The following ARL13B variants were observed in gnomAD, a reference collection of about 807,000 sequenced individuals.
ARL13B encodes the protein ADP-ribosylation factor-like protein 13B.
ARL13B carries 36 observed loss-of-function variants against 56.1 expected under a neutral mutation model. That is an observed-to-expected ratio of 0.64 (90% CI 0.49 to 0.85). The LOEUF (loss-of-function observed/expected upper bound fraction) is 0.85, where lower values mean the gene tolerates loss of function less well. Ranked by LOEUF, ARL13B falls within the 40% of genes least tolerant of loss-of-function variation. The pLI is 0.00. For missense variants in ARL13B, 519 were observed against 507.1 expected (o/e 1.02, Z -0.23); for synonymous variants, 178 against 171.1 (o/e 1.04, Z -0.32).
intron 3 of ARL13B, among the ~76,000 whole-genome samples, chr3:94,010,049 G>C (rs1164427919): frequency 6.6e-6 from 1 of 152,128 alleles, no homozygotes; most frequent in Non-Finnish European, 1.5e-5. Flanking sequence ...TTGAGGGTGA[G>C]ACCAGATATA....
intron 3 of ARL13B, among the ~76,000 whole-genome samples, chr3:94,010,763 T>C (rs1488314837): frequency 6.6e-6 from 1 of 152,082 alleles, no homozygotes; most frequent in East Asian, 1.9e-4. Flanking sequence ...AAGTCTTGCT[T>C]TAAAAGCAGT....
intron 1 of ARL13B, among the ~76,000 whole-genome samples, chr3:93,986,735 G>A (rs540462333): frequency 6.6e-5 from 10 of 152,272 alleles, no homozygotes; most frequent in Admixed American, 3.9e-4. Context: ...TTGGGTGGCC[G>A]TGGTGGATGG....
intron 4 of ARL13B, among the ~76,000 whole-genome samples, chr3:94,036,261 A>T (rs1043782743): frequency 3.3e-5 from 5 of 152,058 alleles, no homozygotes; most frequent in Non-Finnish European, 7.4e-5. Context: ...ATCAATAGAG[A>T]TGTCTTTTTA....
At chr3:93,988,673 T>C in intron 1 of ARL13B, 4 of 485,096 alleles carry the variant, frequency 8.2e-6, no homozygotes, top group Non-Finnish European at 1.2e-5. Context: ...TCATCAAAGG[T>C]TGGAGTCTCC....
chr3:94,003,645 A>G lies in ARL13B; in HGVS notation c.131-14A>G, dbSNP rs1396857963. ...GTCTAAAGATTTTCTTTTTTTGTGT[A>G]TCATTTGTAACAGAATACCCTGAAG... is the stretch of plus-strand genomic sequence containing the variant. On this transcript the variant is annotated splice_polypyrimidine_tract_variant and intron_variant, in intron 2 of 9. Transcript: ENST00000394222. The G allele has an allele frequency of 1.9e-6, 3 of 1,610,850 alleles. No individual in the cohort carries two copies. The highest frequency in any genetic ancestry group is 2.5e-6 in the Non-Finnish European group (3 of 1,178,882).
chr3:93,982,960 A>G (rs1710289996), intron 1 of ARL13B, among the ~76,000 whole-genome samples: 1 of 152,168 alleles, frequency 6.6e-6, no homozygotes, highest in Non-Finnish European at 1.5e-5. Context: ...TTTTTTCAAC[A>G]GAAATTGCCT....
In ARL13B at chr3:93,980,241, C is replaced by T. The variant is rs368491734; in HGVS notation, c.-183C>T. 7.9e-6 allele frequency: 6 copies of T among 762,086 alleles called. No individual in the cohort carries two copies. In the South Asian group the frequency reaches 8.7e-5, roughly 11 times the overall value. 47.2% of individuals were successfully genotyped at this position (762,086 alleles called of 1,614,324 possible). On this transcript the variant is annotated 5_prime_UTR_variant, in exon 1 of 10. Coordinates refer to ENST00000394222, the MANE Select transcript of ARL13B (RefSeq NM_001174150.2). ...GTTCCTTGGCTAAGAGGGCAGTCGT[C>T]GCGGACCCACGCGGTTAGCAAGGCT...
chr3:93,995,654 A>G (rs2075953674), intron 1 of ARL13B, among the ~76,000 whole-genome samples: 1 of 151,962 alleles, frequency 6.6e-6, no homozygotes, highest in Non-Finnish European at 1.5e-5. Context: ...GTTTTACTTT[A>G]TTTGCTTAGA....
At position 94,053,288 on chromosome 3, in the gene ARL13B, T is replaced by G; in HGVS notation, c.*25T>G. ...AACAAGACGTATGGAGGAGTTCTCT[T>G]AATATCAGCAAGGTGAACTGGGACA... On this transcript the variant is annotated 3_prime_UTR_variant, in exon 10 of 10. Transcript: ENST00000394222. 1 of 1,595,278 alleles carries G rather than the reference T, an allele frequency of 6.3e-7. No individual in the cohort carries two copies. Among genetic ancestry groups the G allele is most frequent in the Non-Finnish European group, 8.6e-7 (1 of 1,163,788 alleles).
intron 3 of ARL13B, among the ~76,000 whole-genome samples, chr3:94,029,349 ATTT>A (rs869211830): frequency 0.086 from 7,613 of 88,098 alleles, 702 homozygotes; most frequent in African/African-American, 0.22. Flanking sequence ...TTTTTTTTTT[ATTT>A]TTTTTTTTTT....
chr3:94,000,344 G>A (rs774997061), intron 2 of ARL13B, among the ~76,000 whole-genome samples: 6 of 152,056 alleles, frequency 3.9e-5, no homozygotes, highest in East Asian at 3.9e-4. Flanking sequence ...CCTTGCTGCC[G>A]TAGTAGTTGG....
intron 5 of ARL13B, among the ~76,000 whole-genome samples, chr3:94,039,299 G>T (rs1470728669): frequency 6.6e-6 from 1 of 152,048 alleles, no homozygotes; most frequent in Non-Finnish European, 1.5e-5. Context: ...AGGAGATCGA[G>T]ACCATCCTGG....
intron 3 of ARL13B, among the ~76,000 whole-genome samples, chr3:94,016,756 C>T (rs2076341527): frequency 6.6e-6 from 1 of 151,504 alleles, no homozygotes; most frequent in Non-Finnish European, 1.5e-5. Context: ...AAGTGATTCT[C>T]CTGCCTCAGC....
intron 2 of ARL13B, among the ~76,000 whole-genome samples, chr3:93,997,522 A>G (rs971346045): frequency 3.3e-5 from 5 of 152,206 alleles, no homozygotes; most frequent in African/African-American, 1.2e-4. Context: ...TGTCTATGCT[A>G]TCTTCTACGT....
intron 1 of ARL13B, 36 bp downstream of exon 1, chr3:93,980,518 G>A: frequency 6.2e-7 from 1 of 1,605,856 alleles, no homozygotes; most frequent in Non-Finnish European, 8.5e-7. Flanking sequence ...CGTCCTAGGG[G>A]TTGGAGATGG....
chr3:94,051,230 AGT>A (rs1474133726), intron 9 of ARL13B, among the ~76,000 whole-genome samples: 2 of 152,230 alleles, frequency 1.3e-5, no homozygotes, highest in East Asian at 3.9e-4. Flanking sequence ...TTATAACTTA[AGT>A]GTTAAAAGCT....
Position 93,980,170 on chromosome 3 carries a change from G to C in ARL13B, c.-254G>C, listed in dbSNP as rs1269299260. On this transcript the variant is annotated 5_prime_UTR_variant, in exon 1 of 10. Coordinates refer to ENST00000394222, the MANE Select transcript of ARL13B (RefSeq NM_001174150.2). ...TCGACGCGGGGCTTTTCTTTAGCCG[G>C]GTCCCGCTAACTCGGCTACGGTGTA... 1 of 650,470 alleles carries C rather than the reference G, an allele frequency of 1.5e-6. No individual in the cohort carries two copies. 40.3% of individuals were successfully genotyped at this position (650,470 alleles called of 1,614,324 possible).
At chr3:94,040,291 T>C (rs951288830) in intron 6 of ARL13B, among the ~76,000 whole-genome samples, 2 of 152,218 alleles carry the variant, frequency 1.3e-5, no homozygotes, top group African/African-American at 4.8e-5. Flanking sequence ...ATTTATTTCA[T>C]ATAGTAATAA....
At chr3:94,028,788 G>A (rs1189704364) in intron 3 of ARL13B, among the ~76,000 whole-genome samples, 1 of 151,990 alleles carries the variant, frequency 6.6e-6, no homozygotes, top group African/African-American at 2.4e-5. Flanking sequence ...CAAGAAAATG[G>A]GTTTGTATTT....
Sources: gnomAD v4.1 joint callset for allele counts (sites outside exome capture counted in the v4.1 genomes callset) on GRCh38, gnomAD v4.1.1 for gene constraint, MANE v1.5 for transcripts, NCBI Gene and HGNC (gene_info 2026-07-23, HGNC 2026-07-21) for gene names.